CEP135: variants seen among roughly 807,000 people sequenced by gnomAD.
CEP135 encodes centrosomal protein 135.
CEP135 carries 142 observed loss-of-function variants against 157.3 expected under a neutral mutation model. The ratio of observed to expected loss-of-function variants is 0.90; its 90% CI spans 0.79 to 1.04. The LOEUF (loss-of-function observed/expected upper bound fraction) is 1.04. CEP135 is among the 50% of genes least tolerant of loss of function. CEP135 has a pLI of 0.00. For missense variants in CEP135, 1,317 were observed against 1,309.2 expected (o/e 1.01, Z -0.09); for synonymous variants, 396 against 439.8 (o/e 0.90, Z 1.25).
At chr4:55,988,297 C>T (rs978762503) in intron 14 of CEP135, among the ~76,000 whole-genome samples, 1 of 152,052 alleles carries the variant, frequency 6.6e-6, no homozygotes, top group Non-Finnish European at 1.5e-5. Context: ...CCAAGAATCA[C>T]ATAGAAGTTT....
At chr4:56,014,255 A>G (rs1044083532) in intron 21 of CEP135, among the ~76,000 whole-genome samples, 1 of 152,160 alleles carries the variant, frequency 6.6e-6, no homozygotes, top group Non-Finnish European at 1.5e-5. Context: ...TACAACAAAC[A>G]CCTGAAAATA....
In CEP135 at chr4:55,953,102, C is replaced by G; in HGVS notation, c.131C>G (p.Thr44Ser). The G allele has an allele frequency of 6.3e-7, 1 of 1,585,458 alleles. No individual in the cohort carries two copies. Among genetic ancestry groups the G allele is most frequent in the Non-Finnish European group, 8.5e-7 (1 of 1,171,520 alleles). Residue 44 changes from threonine (T) to serine (S), a missense_variant, in exon 3 of 26, where the codon ACT (threonine) becomes AGT (serine). Thr to Ser is a moderately conservative substitution (Grantham distance 58, BLOSUM62 1). Transcript: ENST00000257287. Reference sequence around the variant, plus strand: ...TCTTTTAGCGACTTAGTTCATACAACTGAGAGCCTTCGGCAATCAAAATTA... The same window carrying G: ...TCTTTTAGCGACTTAGTTCATACAAGTGAGAGCCTTCGGCAATCAAAATTA... ...EKLFSDLVHT[T>S]ESLRQSKLSA...
chr4:56,027,481 G>A (rs1440572079), intron 25 of CEP135, among the ~76,000 whole-genome samples: 1 of 152,104 alleles, frequency 6.6e-6, no homozygotes, highest in Admixed American at 6.6e-5. Context: ...TGTAGCTCTG[G>A]AAAACTCAAC....
At chr4:55,980,559 G>T (rs1729368408) in intron 12 of CEP135, among the ~76,000 whole-genome samples, 1 of 152,090 alleles carries the variant, frequency 6.6e-6, no homozygotes, top group Admixed American at 6.6e-5. Context: ...ACTACCTGAA[G>T]CAGGTCTCAG....
intron 6 of CEP135, chr4:55,960,612 T>C (rs1035438364): frequency 2.0e-5 from 3 of 152,094 alleles, no homozygotes; most frequent in African/African-American, 7.2e-5. Flanking sequence ...TTTTGAAGAT[T>C]AGTTGGATAA....
chr4:55,973,914 G>T (rs1004160034), intron 10 of CEP135, among the ~76,000 whole-genome samples: 5 of 152,178 alleles, frequency 3.3e-5, no homozygotes, highest in African/African-American at 1.2e-4. Context: ...TTATTTGACT[G>T]CATTTAATCC....
At chr4:56,009,348 G>C (rs1730484755) in intron 18 of CEP135, among the ~76,000 whole-genome samples, 1 of 152,024 alleles carries the variant, frequency 6.6e-6, no homozygotes, top group African/African-American at 2.4e-5. Context: ...ATTTTTAGTA[G>C]AGACGGGGTT....
chr4:55,993,900 C>G (rs1370439105), intron 15 of CEP135, among the ~76,000 whole-genome samples: 1 of 152,158 alleles, frequency 6.6e-6, no homozygotes, highest in African/African-American at 2.4e-5. Context: ...AGTCACTGGG[C>G]TATTGTGAGA....
At chr4:56,024,700 A>T (rs1182999327) in intron 25 of CEP135, 86 bp downstream of exon 25, 7 of 912,208 alleles carry the variant, frequency 7.7e-6, no homozygotes, top group Non-Finnish European at 1.2e-5. Context: ...GAAAGGGGAG[A>T]TTGCCTGGTA....
intron 11 of CEP135, among the ~76,000 whole-genome samples, chr4:55,975,901 G>T (rs577827682): frequency 1.6e-4 from 25 of 152,166 alleles, no homozygotes; most frequent in African/African-American, 5.8e-4. Context: ...TAACCTCATA[G>T]GCTAATGGCT....
intron 17 of CEP135, among the ~76,000 whole-genome samples, chr4:56,006,436 T>C (rs1730348023): frequency 6.6e-6 from 1 of 152,142 alleles, no homozygotes; most frequent in South Asian, 2.1e-4. Context: ...CATTTTTTAT[T>C]ATTTCAACCT....
chr4:55,964,264 A>T lies in CEP135; in HGVS notation c.700-10A>T. ...GATTTTTTAAAATGACAGCATGACT[A>T]TATCTTCAGATTGAGCTAAGAGAAC... On this transcript the variant is annotated splice_polypyrimidine_tract_variant and intron_variant, in intron 6 of 25. Coordinates refer to ENST00000257287, the MANE Select transcript of CEP135 (RefSeq NM_025009.5). 6.2e-7 allele frequency: 1 copy of T among 1,600,942 alleles called. No individual in the cohort carries two copies. The highest frequency in any genetic ancestry group is 1.1e-5 in the South Asian group (1 of 88,430).
chr4:56,015,876 G>A (rs1730755903), intron 21 of CEP135, among the ~76,000 whole-genome samples: 1 of 152,122 alleles, frequency 6.6e-6, no homozygotes, highest in Non-Finnish European at 1.5e-5. Flanking sequence ...TATATGGGAA[G>A]GACATGAATT....
intron 21 of CEP135, among the ~76,000 whole-genome samples, chr4:56,013,035 C>A (rs1730645344): frequency 6.6e-6 from 1 of 152,200 alleles, no homozygotes; most frequent in South Asian, 2.1e-4. Flanking sequence ...GTTCCAGTTG[C>A]TCCATATCCT....
intron 17 of CEP135, among the ~76,000 whole-genome samples, chr4:56,002,481 T>G (rs1730210438): frequency 6.6e-6 from 1 of 152,168 alleles, no homozygotes; most frequent in African/African-American, 2.4e-5. Flanking sequence ...CAGCATCTAT[T>G]GAAATGATTT....
At chr4:55,953,615 T>A (rs1278598781) in intron 3 of CEP135, among the ~76,000 whole-genome samples, 5 of 152,238 alleles carry the variant, frequency 3.3e-5, no homozygotes, top group Non-Finnish European at 7.3e-5. Flanking sequence ...TATATAGCTA[T>A]GATAATCACT....
intron 17 of CEP135, among the ~76,000 whole-genome samples, chr4:56,007,812 G>A (rs1243489750): frequency 6.6e-6 from 1 of 152,118 alleles, no homozygotes; most frequent in African/African-American, 2.4e-5. Context: ...GGTTTTTTAC[G>A]TCTCTGTGGC....
rs1384021408 is a variant in CEP135, at chr4:55,959,872, C to T, written c.699+106C>T. The T allele has an allele frequency of 6.8e-6, 6 of 888,394 alleles. No homozygotes were observed. The Admixed American group carries it at 8.8e-5, about 13-fold the overall frequency. 55.0% of individuals were successfully genotyped at this position (888,394 alleles called of 1,614,324 possible). Reference sequence around the variant, plus strand: ...TTGCTGATACTGAGTTTTTATACAGCTTTCCTCTTTTTCATCAGGTTTGTT... The same window carrying T: ...TTGCTGATACTGAGTTTTTATACAGTTTTCCTCTTTTTCATCAGGTTTGTT... On this transcript the variant is annotated intron_variant, in intron 6 of 25. Transcript: ENST00000257287.
Position 55,962,603 on chromosome 4 carries a change from G to A in CEP135, c.700-1671G>A, listed in dbSNP as rs73155554. On this transcript the variant is annotated intron_variant, in intron 6 of 25. Transcript: ENST00000257287. Reference sequence around the variant, plus strand: ...ATTACATTAGTAACATTAATTGCTAGATCCAAAAGGATACTTACAGTCTTT... The same window carrying A: ...ATTACATTAGTAACATTAATTGCTAAATCCAAAAGGATACTTACAGTCTTT... Among the ~76,000 whole-genome samples the A allele has an allele frequency of 7.8e-3, 1,187 of 152,238 alleles. 14 individuals carry two copies. Among genetic ancestry groups the A allele is most frequent in the African/African-American group, 0.024 (1,008 of 41,530 alleles).
Sources: gnomAD v4.1 joint callset for allele counts (sites outside exome capture counted in the v4.1 genomes callset) on GRCh38, gnomAD v4.1.1 for gene constraint, MANE v1.5 for transcripts, NCBI Gene and HGNC (gene_info 2026-07-23, HGNC 2026-07-21) for gene names.